The following RAD50 variants were observed in gnomAD, a reference collection of about 807,000 sequenced individuals.
RAD50 encodes DNA repair protein RAD50.
Under a neutral mutation model 168.8 loss-of-function variants are expected in RAD50, and 132 were observed. The observed-to-expected ratio is 0.78, with a 90% CI of 0.68 to 0.90. RAD50 has a LOEUF of 0.90. Among genes scored for constraint, RAD50 ranks in the 40% least tolerant of loss-of-function variants. RAD50 has a pLI of 0.00. For missense variants in RAD50, 1,347 were observed against 1,534.4 expected, an observed-to-expected ratio of 0.88 and a Z score of 2.04; for synonymous variants, 525 against 497.4, an observed-to-expected ratio of 1.06 and a Z score of -0.74.
At chr5:132,628,939 A>C (rs965906897) in intron 21 of RAD50, among the ~76,000 whole-genome samples, 1 of 152,142 alleles carries the variant, frequency 6.6e-6, no homozygotes, top group African/African-American at 2.4e-5. Context: ...AAATGGGGCA[A>C]TGGTTAGAGT....
At chr5:132,581,950 A>ACC (rs1242820259) in intron 5 of RAD50, among the ~76,000 whole-genome samples, 24 of 152,062 alleles carry the variant, frequency 1.6e-4, no homozygotes, top group African/African-American at 5.8e-4. Context: ...AAGCACATGT[A>ACC]ATGGTAAGGC....
chr5:132,612,671 C>CA (rs547023210), intron 19 of RAD50, among the ~76,000 whole-genome samples: 15 of 151,782 alleles, frequency 9.9e-5, no homozygotes, highest in Non-Finnish European at 1.6e-4. Context: ...CCCATCTCTA[C>CA]AAAAAAATTA....
chr5:132,615,761 T>C (rs193209760), intron 19 of RAD50, among the ~76,000 whole-genome samples: 1 of 152,350 alleles, frequency 6.6e-6, no homozygotes, highest in East Asian at 1.9e-4. Context: ...TAGATTATGG[T>C]TGTGAAAGAG....
At chr5:132,570,112 A>G (rs1750275209) in intron 2 of RAD50, among the ~76,000 whole-genome samples, 1 of 152,226 alleles carries the variant, frequency 6.6e-6, no homozygotes, top group Non-Finnish European at 1.5e-5. Context: ...AACCCTCAGC[A>G]TAACTGATGG....
intron 3 of RAD50, among the ~76,000 whole-genome samples, chr5:132,576,218 G>A (rs1252528809): frequency 1.3e-5 from 2 of 152,144 alleles, no homozygotes; most frequent in Non-Finnish European, 2.9e-5. Flanking sequence ...GAAAGACTTA[G>A]GGTTATGTTC....
chr5:132,573,045 G>C (rs1220955815), intron 2 of RAD50, among the ~76,000 whole-genome samples: 1 of 152,192 alleles, frequency 6.6e-6, no homozygotes, highest in East Asian at 1.9e-4. Flanking sequence ...ACTTGAATGG[G>C]ATTTGTGGAC....
At chr5:132,593,023 G>A (rs953811075) in intron 11 of RAD50, 10 of 359,360 alleles carry the variant, frequency 2.8e-5, no homozygotes, top group South Asian at 1.9e-4. Context: ...TTCAGTTAGG[G>A]CATGAAGAAG....
intron 2 of RAD50, among the ~76,000 whole-genome samples, chr5:132,562,028 A>G (rs1750133395): frequency 6.6e-6 from 1 of 152,156 alleles, no homozygotes; most frequent in African/African-American, 2.4e-5. Context: ...TTAAATATTC[A>G]TTCAAGAGGG....
rs556133115 is a variant in RAD50, at chr5:132,642,741, T to A, written c.*377T>A. On this transcript the variant is annotated 3_prime_UTR_variant, in exon 25 of 25. Transcript: ENST00000378823. ...TTTATGGTTTTGGTATTTTTTTAAA[T>A]CATAGTTAAATGTTACCTCTGAATT... The A allele has an allele frequency of 2.6e-6, 1 of 381,270 alleles. No homozygotes were observed. The highest frequency in any genetic ancestry group is 2.8e-5 in the South Asian group (1 of 35,844). 23.6% of individuals were successfully genotyped at this position (381,270 alleles called of 1,614,324 possible).
intron 5 of RAD50, 48 bp from the exon 6 acceptor site, chr5:132,587,514 A>G (rs754911705): frequency 2.5e-6 from 4 of 1,602,662 alleles, no homozygotes; most frequent in Admixed American, 1.7e-5. Flanking sequence ...TCTATCAGCC[A>G]TGTAAGCTAT....
chr5:132,643,038 G>A lies in RAD50; in HGVS notation c.*674G>A. The A allele has an allele frequency of 1.9e-6, 1 of 529,572 alleles. No homozygotes were observed. The highest frequency in any genetic ancestry group is 3.8e-6 in the Non-Finnish European group (1 of 262,720). The allele number at this position is 529,572 out of a possible 1,614,324, so 32.8% of individuals were successfully genotyped here. A position where few individuals can be genotyped will look rare whatever the true frequency, so the allele number is the denominator to read the frequency against. Reference sequence around the variant, plus strand: ...CCAGACTCAGAGCTCTCTCTACAGAGAGGAAATTCTCCACTGTGCACACCC... The same window carrying A: ...CCAGACTCAGAGCTCTCTCTACAGAAAGGAAATTCTCCACTGTGCACACCC... On this transcript the variant is annotated 3_prime_UTR_variant, in exon 25 of 25. Coordinates refer to ENST00000378823, the MANE Select transcript of RAD50 (RefSeq NM_005732.4).
intron 5 of RAD50, among the ~76,000 whole-genome samples, chr5:132,584,367 T>G (rs1750557730): frequency 6.6e-6 from 1 of 152,218 alleles, no homozygotes; most frequent in Non-Finnish European, 1.5e-5. Flanking sequence ...TTTGTTTTTT[T>G]CTTGTAAATT....
intron 3 of RAD50, among the ~76,000 whole-genome samples, chr5:132,576,844 A>T (rs138590268): frequency 6.6e-6 from 1 of 150,798 alleles, no homozygotes; most frequent in East Asian, 1.9e-4. Flanking sequence ...CTGCTATACA[A>T]AGTAGACCTA....
At chr5:132,613,617 T>TTTA (rs1349962133) in intron 19 of RAD50, among the ~76,000 whole-genome samples, 2 of 148,464 alleles carry the variant, frequency 1.3e-5, no homozygotes, top group African/African-American at 5.0e-5. Context: ...TTTTTTTTTT[T>TTTA]AAATTAGATG....
At chr5:132,558,680 C>T (rs1040336797) in intron 1 of RAD50, among the ~76,000 whole-genome samples, 1 of 137,466 alleles carries the variant, frequency 7.3e-6, no homozygotes, top group Non-Finnish European at 1.5e-5. Flanking sequence ...CATTGCACTA[C>T]ACCAGCCTGG....
rs745484450 is a variant in RAD50 at position 132,557,473 on chromosome 5, C to T, written c.129+20C>T. Reference sequence around the variant, plus strand: ...AAGACGGTAAGTCTTCAGTAGCCGCCTTCAGTTTACAGGTCGCTACATCTT... The same window carrying T: ...AAGACGGTAAGTCTTCAGTAGCCGCTTTCAGTTTACAGGTCGCTACATCTT... On this transcript the variant is annotated intron_variant, in intron 1 of 24. Coordinates refer to ENST00000378823, the MANE Select transcript of RAD50 (RefSeq NM_005732.4). 4 of 1,614,054 alleles carry T rather than the reference C, an allele frequency of 2.5e-6. No individual in the cohort carries two copies. The South Asian group carries it at 4.4e-5, about 18-fold the overall frequency.
At chr5:132,589,609 C>T in intron 8 of RAD50, 22 bp from the exon 9 acceptor site, 1 of 1,506,666 alleles carries the variant, frequency 6.6e-7, no homozygotes, top group African/African-American at 1.4e-5. Flanking sequence ...TATTAATGCT[C>T]ATTCTTTACA....
chr5:132,625,199 G>C (rs1048565075), intron 21 of RAD50, among the ~76,000 whole-genome samples: 2 of 149,124 alleles, frequency 1.3e-5, no homozygotes, highest in Non-Finnish European at 3.0e-5. Flanking sequence ...CCATTCTCCT[G>C]CCTCAGCCTC....
Position 132,642,951 on chromosome 5 carries a change from A to G in RAD50, c.*587A>G. 2.0e-6 allele frequency: 1 copy of G among 489,086 alleles called. No homozygotes were observed. The highest frequency in any genetic ancestry group is 4.2e-6 in the Non-Finnish European group (1 of 235,658). The allele number at this position is 489,086 out of a possible 1,614,324, so 30.3% of individuals were successfully genotyped here. A position where few individuals can be genotyped will look rare whatever the true frequency, so the allele number is the denominator to read the frequency against. ...GTCTCAAAGTTTGACAGGAACCTTAAGTAATCATCTAAGTCAGTACCCACC... is the reference window on the plus strand; with the variant it reads ...GTCTCAAAGTTTGACAGGAACCTTAGGTAATCATCTAAGTCAGTACCCACC... On this transcript the variant is annotated 3_prime_UTR_variant, in exon 25 of 25. Transcript: ENST00000378823.
Sources: gnomAD v4.1 joint callset for allele counts (sites outside exome capture counted in the v4.1 genomes callset) on GRCh38, gnomAD v4.1.1 for gene constraint, MANE v1.5 for transcripts, NCBI Gene and HGNC (gene_info 2026-07-23, HGNC 2026-07-21) for gene names.